The following CATSPERB variants were observed in gnomAD, a reference collection of about 807,000 sequenced individuals.
CATSPERB encodes the protein cation channel sperm-associated auxiliary subunit beta.
In CATSPERB, 93 loss-of-function variants were observed where a neutral mutation model predicts 128.3. That is an observed-to-expected ratio of 0.72 (90% CI 0.61 to 0.86). CATSPERB has a LOEUF of 0.86. Among genes scored for constraint, CATSPERB ranks in the 40% least tolerant of loss-of-function variants. The pLI is 0.00. For missense variants in CATSPERB, 1,153 were observed against 1,329.5 expected, an observed-to-expected ratio of 0.87 and a Z score of 2.06; for synonymous variants, 381 against 448.8, an observed-to-expected ratio of 0.85 and a Z score of 1.91.
chr14:91,598,803 A>C (rs1893556348), intron 22 of CATSPERB, among the ~76,000 whole-genome samples: 2 of 142,404 alleles, frequency 1.4e-5, no homozygotes, highest in African/African-American at 5.2e-5. Flanking sequence ...GCTTGCAGTG[A>C]GCCGAGATCG....
chr14:91,711,656 A>G (rs1895841919), intron 5 of CATSPERB, among the ~76,000 whole-genome samples: 4 of 152,368 alleles, frequency 2.6e-5, no homozygotes, highest in African/African-American at 9.6e-5. Flanking sequence ...CAGCCATATC[A>G]ATATCTGACA....
intron 13 of CATSPERB, among the ~76,000 whole-genome samples, chr14:91,670,937 A>G (rs1352504492): frequency 6.6e-6 from 1 of 152,090 alleles, no homozygotes; most frequent in Non-Finnish European, 1.5e-5. Context: ...CGGGAGGCAG[A>G]GGTTGCAGTG....
intron 5 of CATSPERB, among the ~76,000 whole-genome samples, chr14:91,718,271 A>C (rs1403150955): frequency 1.3e-5 from 2 of 152,224 alleles, no homozygotes; most frequent in East Asian, 3.8e-4. Context: ...ACGTTGAATA[A>C]AGGGTAAAGA....
chr14:91,661,524 CATATATATAT>C (rs58330624), intron 14 of CATSPERB, among the ~76,000 whole-genome samples: 1 of 127,062 alleles, frequency 7.9e-6, no homozygotes, highest in East Asian at 2.3e-4. Flanking sequence ...CAGATGCTAT[CATATATATAT>C]ATATATATAT....
At chr14:91,686,476 A>C (rs1895377679) in intron 10 of CATSPERB, among the ~76,000 whole-genome samples, 1 of 152,158 alleles carries the variant, frequency 6.6e-6, no homozygotes, top group Admixed American at 6.5e-5. Context: ...TTAGTAAAAG[A>C]GGTCTTATTT....
intron 15 of CATSPERB, among the ~76,000 whole-genome samples, chr14:91,651,262 T>C (rs1164536129): frequency 6.6e-6 from 1 of 152,220 alleles, no homozygotes; most frequent in Non-Finnish European, 1.5e-5. Context: ...GGTTTTGTGG[T>C]GGCTGTGAGC....
Position 91,625,018 on chromosome 14 carries a change from A to T in CATSPERB, c.1743-11T>A, listed in dbSNP as rs1894132816. The T allele has an allele frequency of 2.6e-6, 4 of 1,553,066 alleles. No homozygotes were observed. Among genetic ancestry groups the T allele is most frequent in the Non-Finnish European group, 3.5e-6 (4 of 1,154,502 alleles). ...GCTCTTCCAGTTTTCCTAAAAACAA[A>T]TAAAACCATTAAGCAATTTGGATAA... On this transcript the variant is annotated splice_polypyrimidine_tract_variant and intron_variant, in intron 17 of 26. Transcript: ENST00000256343.
At chr14:91,608,947 C>T (rs1454683148) in intron 21 of CATSPERB, among the ~76,000 whole-genome samples, 2 of 152,066 alleles carry the variant, frequency 1.3e-5, no homozygotes, top group Non-Finnish European at 2.9e-5. Context: ...CCATTAATAG[C>T]CTACTGTTGA....
chr14:91,679,156 G>A (rs1213350471), intron 11 of CATSPERB, among the ~76,000 whole-genome samples: 3 of 151,990 alleles, frequency 2.0e-5, no homozygotes, highest in Non-Finnish European at 2.9e-5. Flanking sequence ...AACTAAAAAC[G>A]GGTTATGATG....
chr14:91,582,726 C>T (rs561377971), intron 26 of CATSPERB, among the ~76,000 whole-genome samples: 1 of 152,338 alleles, frequency 6.6e-6, no homozygotes, highest in Admixed American at 6.5e-5. Context: ...CCCACTCAGC[C>T]ACACTGGCAA....
At chr14:91,606,940 GA>G (rs201303930) in intron 22 of CATSPERB, among the ~76,000 whole-genome samples, 2,022 of 53,964 alleles carry the variant, frequency 0.037, 49 homozygotes, top group African/African-American at 0.098. Flanking sequence ...TTCAGTAGAG[GA>G]GGTGGTTCTT....
intron 17 of CATSPERB, among the ~76,000 whole-genome samples, chr14:91,627,721 T>C (rs887079748): frequency 2.6e-5 from 4 of 152,198 alleles, no homozygotes; most frequent in African/African-American, 9.6e-5. Context: ...CCAGCTACTC[T>C]GGAGGAAAGC....
At chr14:91,660,661 T>A (rs1366387650) in intron 14 of CATSPERB, among the ~76,000 whole-genome samples, 2 of 152,206 alleles carry the variant, frequency 1.3e-5, no homozygotes, top group East Asian at 1.9e-4. Flanking sequence ...TTTGGATTTT[T>A]AAAAAATTAA....
At chr14:91,715,769 A>G (rs913798946) in intron 5 of CATSPERB, among the ~76,000 whole-genome samples, 3 of 152,174 alleles carry the variant, frequency 2.0e-5, no homozygotes, top group African/African-American at 7.2e-5. Flanking sequence ...AAGACCTATT[A>G]TAAAGCTAAA....
intron 15 of CATSPERB, among the ~76,000 whole-genome samples, chr14:91,647,209 A>G (rs1437332287): frequency 6.6e-6 from 1 of 152,154 alleles, no homozygotes. Context: ...ACTTAACAAG[A>G]CGACTTTGTT....
At chr14:91,674,587 AT>A (rs891717371) in intron 11 of CATSPERB, among the ~76,000 whole-genome samples, 13 of 152,078 alleles carry the variant, frequency 8.5e-5, no homozygotes, top group African/African-American at 1.2e-4. Flanking sequence ...GCATTTTAAA[AT>A]TTTTTTTATT....
chr14:91,670,741 C>T lies in CATSPERB; in HGVS notation c.1129-769G>A, dbSNP rs144193881. On this transcript the variant is annotated intron_variant, in intron 13 of 26. Transcript: ENST00000256343. ...ACTTTTGGCCAGGCGCAGTGGCTTACGCCTATAATCCCAGCACTTTGGGGG... is the reference window on the plus strand; with the variant it reads ...ACTTTTGGCCAGGCGCAGTGGCTTATGCCTATAATCCCAGCACTTTGGGGG... Among the ~76,000 whole-genome samples the T allele has an allele frequency of 7.9e-3, 1,205 of 151,806 alleles. 9 individuals are homozygous for T. The highest frequency in any genetic ancestry group is 0.027 in the African/African-American group (1,104 of 41,398).
intron 7 of CATSPERB, among the ~76,000 whole-genome samples, chr14:91,697,100 A>C (rs1490591507): frequency 6.6e-6 from 1 of 152,180 alleles, no homozygotes; most frequent in Non-Finnish European, 1.5e-5. Context: ...GGGAGTACTG[A>C]GTGCCCACTT....
At chr14:91,718,907 G>T (rs1018872692) in intron 5 of CATSPERB, among the ~76,000 whole-genome samples, 1 of 151,998 alleles carries the variant, frequency 6.6e-6, no homozygotes, top group African/African-American at 2.4e-5. Context: ...TGTGTCTCAT[G>T]CCTACAGATC....
Sources: allele counts gnomAD v4.1 joint callset (sites outside exome capture counted in the v4.1 genomes callset), GRCh38; gene constraint gnomAD v4.1.1; transcripts MANE v1.5; gene names NCBI Gene and HGNC (gene_info 2026-07-23, HGNC 2026-07-21).